Variants in SND1 observed in about 807,000 individuals in gnomAD.
SND1 encodes the protein staphylococcal nuclease domain-containing protein 1.
SND1 carries 38 observed loss-of-function variants against 121.7 expected under a neutral mutation model. The ratio of observed to expected loss-of-function variants is 0.31; its 90% CI spans 0.24 to 0.41. SND1 has a LOEUF of 0.41. Ranked by LOEUF, SND1 falls within the 10% of genes least tolerant of loss-of-function variation. The probability of loss-of-function intolerance (pLI) is 1.00; values close to 1 mark genes in which losing one functional copy is unlikely to be tolerated. For missense variants in SND1, 868 were observed against 1,184.6 expected, an observed-to-expected ratio of 0.73 and a Z score of 3.92; for synonymous variants, 401 against 447.4, an observed-to-expected ratio of 0.90 and a Z score of 1.31.
chr7:128,089,432 TG>T, intron 21 of SND1, 56 bp from the exon 22 acceptor site: 1 of 1,512,664 alleles, frequency 6.6e-7, no homozygotes, highest in Non-Finnish European at 9.0e-7. Flanking sequence ...GGACAGGAGC[TG>T]GGGCCCAAGT....
chr7:127,701,129 C>T (rs759990265), intron 4 of SND1, 34 bp from the exon 5 acceptor site: 3 of 1,610,088 alleles, frequency 1.9e-6, no homozygotes, highest in Non-Finnish European at 2.5e-6. Flanking sequence ...TTTGTGAACT[C>T]ACTAACCACT....
chr7:127,858,238 C>T (rs1381303340), intron 12 of SND1: 6 of 775,762 alleles, frequency 7.7e-6, no homozygotes, highest in Non-Finnish European at 1.4e-5. Context: ...CAAGGTTTCC[C>T]TGGGCCACCA....
At chr7:127,678,790 T>C (rs1351804653) in intron 1 of SND1, among the ~76,000 whole-genome samples, 1 of 152,232 alleles carries the variant, frequency 6.6e-6, no homozygotes, top group African/African-American at 2.4e-5. Flanking sequence ...TTTTGAAATA[T>C]TCCCCAATTG....
intron 16 of SND1, chr7:128,028,610 A>T: frequency 7.0e-7 from 1 of 1,437,684 alleles, no homozygotes; most frequent in South Asian, 1.3e-5. Flanking sequence ...GTCTCTCCCC[A>T]CTCTGTACAA....
chr7:127,903,944 G>C (rs1800283423), intron 13 of SND1, among the ~76,000 whole-genome samples: 1 of 152,192 alleles, frequency 6.6e-6, no homozygotes, highest in Non-Finnish European at 1.5e-5. Flanking sequence ...ACTCTTACCT[G>C]CTGATGTCTG....
chr7:127,831,182 A>G (rs1248012013), intron 11 of SND1, among the ~76,000 whole-genome samples: 2 of 152,204 alleles, frequency 1.3e-5, no homozygotes, highest in African/African-American at 4.8e-5. Flanking sequence ...CTGATGAGAA[A>G]CAGGATCAGA....
At chr7:127,664,732 G>T (rs1013717553) in intron 1 of SND1, among the ~76,000 whole-genome samples, 3 of 152,162 alleles carry the variant, frequency 2.0e-5, no homozygotes. Context: ...TCAGTGGGAG[G>T]AGTATTGTGG....
chr7:127,697,127 T>G (rs1044619530), intron 3 of SND1, among the ~76,000 whole-genome samples: 2 of 152,168 alleles, frequency 1.3e-5, no homozygotes, highest in African/African-American at 4.8e-5. Context: ...AAGAGATGAT[T>G]AGTTTTCTGG....
At chr7:127,929,157 C>T (rs370680047) in intron 14 of SND1, 31 bp from the exon 15 acceptor site, 7 of 1,610,886 alleles carry the variant, frequency 4.3e-6, no homozygotes, top group Non-Finnish European at 5.9e-6. Context: ...TTATTACTTT[C>T]CAGTTACTCT....
At chr7:127,724,174 T>C (rs890221039) in intron 10 of SND1, among the ~76,000 whole-genome samples, 1 of 152,324 alleles carries the variant, frequency 6.6e-6, no homozygotes, top group East Asian at 1.9e-4. Flanking sequence ...CATGGAACTT[T>C]AGAGTCTAGT....
intron 12 of SND1, among the ~76,000 whole-genome samples, chr7:127,870,918 A>G (rs1799572967): frequency 6.6e-6 from 1 of 152,176 alleles, no homozygotes; most frequent in Non-Finnish European, 1.5e-5. Flanking sequence ...CTTAGCTTAA[A>G]ACAAACATTG....
intron 16 of SND1, among the ~76,000 whole-genome samples, chr7:128,059,125 A>G (rs1256015184): frequency 6.6e-6 from 1 of 152,182 alleles, no homozygotes; most frequent in East Asian, 1.9e-4. Context: ...GTGACCCTAG[A>G]CATTCCCTAT....
At chr7:128,064,211 TA>T (rs994757080) in intron 16 of SND1, among the ~76,000 whole-genome samples, 1 of 151,540 alleles carries the variant, frequency 6.6e-6, no homozygotes, top group African/African-American at 2.4e-5. Context: ...CCAGAGAGGT[TA>T]AAAAAAAACC....
chr7:127,850,508 G>A (rs995399675), intron 12 of SND1, among the ~76,000 whole-genome samples: 4 of 152,130 alleles, frequency 2.6e-5, no homozygotes, highest in African/African-American at 9.7e-5. Context: ...CTGTATTATA[G>A]CCAACCCTTT....
intron 16 of SND1, among the ~76,000 whole-genome samples, chr7:128,025,504 C>T (rs1307085562): frequency 6.6e-6 from 1 of 152,180 alleles, no homozygotes; most frequent in Non-Finnish European, 1.5e-5. Flanking sequence ...TCTTTACATC[C>T]AACGTGTTGC....
intron 7 of SND1, among the ~76,000 whole-genome samples, chr7:127,704,005 T>C (rs997979568): frequency 5.3e-5 from 8 of 152,184 alleles, no homozygotes; most frequent in Admixed American, 3.3e-4. Flanking sequence ...AACTGAGGTA[T>C]GGAAAAATTA....
At chr7:127,702,725 T>C (rs1373580863) in intron 6 of SND1, among the ~76,000 whole-genome samples, 199 bp downstream of exon 6, 1 of 152,208 alleles carries the variant, frequency 6.6e-6, no homozygotes, top group African/African-American at 2.4e-5. Flanking sequence ...TTTAAAGTAT[T>C]CTGGGTCTAG....
At chr7:127,792,176 TG>T (rs999660368) in intron 10 of SND1, among the ~76,000 whole-genome samples, 1 of 152,244 alleles carries the variant, frequency 6.6e-6, no homozygotes, top group Non-Finnish European at 1.5e-5. Flanking sequence ...ATTTTAACTG[TG>T]GAAGCTCTTT....
intron 10 of SND1, among the ~76,000 whole-genome samples, chr7:127,721,756 A>T (rs560799358): frequency 6.6e-6 from 1 of 152,186 alleles, no homozygotes; most frequent in African/African-American, 2.4e-5. Context: ...TCTCGTGTAC[A>T]TTGTAATAGG....
Sources: gnomAD v4.1 joint callset for allele counts (sites outside exome capture counted in the v4.1 genomes callset) on GRCh38, gnomAD v4.1.1 for gene constraint, MANE v1.5 for transcripts, NCBI Gene and HGNC (gene_info 2026-07-23, HGNC 2026-07-21) for gene names.